The following ESR2 variants were observed in gnomAD, a reference collection of about 807,000 sequenced individuals.
The protein encoded by ESR2 is estrogen receptor 2.
Under a neutral mutation model 49.6 loss-of-function variants are expected in ESR2, and 36 were observed. The ratio of observed to expected loss-of-function variants is 0.73; its 90% CI spans 0.56 to 0.96. The LOEUF is 0.96. Among genes scored for constraint, ESR2 ranks in the 40% least tolerant of loss-of-function variants. ESR2 has a pLI of 0.00. For synonymous variants in ESR2, 320 were observed against 266.1 expected (o/e 1.20, Z -1.97); for missense variants, 714 against 693.0 (o/e 1.03, Z -0.34).
At chr14:64,284,267 T>A (rs1481127408) in intron 1 of ESR2, among the ~76,000 whole-genome samples, 1 of 151,888 alleles carries the variant, frequency 6.6e-6, no homozygotes, top group East Asian at 1.9e-4. Context: ...ATTTATGCTC[T>A]AAAAAACAGA....
At position 64,233,089 on chromosome 14, in the gene ESR2, C is replaced by T. The variant is rs768747695; in HGVS notation, c.*48G>A. ...CAGGCTCCTGACACACTGGAGTTCA[C>T]GCTTCAGCCTGTGACCTCTGTGGGC... On this transcript the variant is annotated 3_prime_UTR_variant, in exon 9 of 9. Transcript: ENST00000341099. 8.0e-5 allele frequency: 127 copies of T among 1,584,302 alleles called. No homozygotes were observed. The highest frequency in any genetic ancestry group is 1.4e-4 in the South Asian group (12 of 88,012).
chr14:64,238,647 A>G (rs1350263386), intron 7 of ESR2, among the ~76,000 whole-genome samples: 1 of 152,148 alleles, frequency 6.6e-6, no homozygotes, highest in African/African-American at 2.4e-5. Flanking sequence ...GGCACAGAAA[A>G]CCACAAAAAT....
rs755401425 is a variant in ESR2 at position 64,260,695 on chromosome 14, C to A, written c.706G>T (p.Asp236Tyr). The A allele has an allele frequency of 1.3e-6, 2 of 1,561,938 alleles. No homozygotes were observed. The highest frequency in any genetic ancestry group is 2.3e-5 in the East Asian group (1 of 43,134). Residue 236 changes from aspartate to tyrosine, a missense_variant, in exon 5 of 9, where the codon GAC (aspartate) becomes TAC (tyrosine). Coordinates refer to ENST00000341099, the MANE Select transcript of ESR2 (RefSeq NM_001437.3). ...YRLVRRQRSA[D>Y]EQLHCAGKAK... Reference sequence around the variant, plus strand: ...TTGCCGGCACAGTGCAGCTGCTCGTCGGCACTTCTCTGTCTCCGCACAAGG... The same window carrying A: ...TTGCCGGCACAGTGCAGCTGCTCGTAGGCACTTCTCTGTCTCCGCACAAGG...
chr14:64,302,625 G>A (rs149366223), intron 1 of ESR2, among the ~76,000 whole-genome samples: 29 of 152,236 alleles, frequency 1.9e-4, no homozygotes, highest in African/African-American at 6.7e-4. Flanking sequence ...AGAAGTTTAG[G>A]AAACATTGCT....
intron 7 of ESR2, among the ~76,000 whole-genome samples, chr14:64,242,227 T>C (rs974036321): frequency 2.0e-5 from 3 of 152,054 alleles, no homozygotes; most frequent in African/African-American, 7.2e-5. Flanking sequence ...CTGGCCAACA[T>C]GGTGAAACCT....
chr14:64,248,896 C>G (rs1567741409), intron 7 of ESR2, among the ~76,000 whole-genome samples: 3 of 151,856 alleles, frequency 2.0e-5, no homozygotes, highest in Admixed American at 1.3e-4. Context: ...TGACACTCCC[C>G]TGCCTGAACC....
At chr14:64,276,364 G>A (rs1250952612) in intron 3 of ESR2, among the ~76,000 whole-genome samples, 2 of 152,158 alleles carry the variant, frequency 1.3e-5, no homozygotes, top group Non-Finnish European at 2.9e-5. Context: ...AGATTTATGA[G>A]AAAACATTTA....
intron 3 of ESR2, among the ~76,000 whole-genome samples, chr14:64,279,013 A>C (rs376498375): frequency 6.6e-6 from 1 of 152,190 alleles, no homozygotes; most frequent in East Asian, 1.9e-4. Context: ...GAAGCCTGCT[A>C]CCTGGAGGCT....
At chr14:64,265,851 G>A (rs182797551) in intron 4 of ESR2, among the ~76,000 whole-genome samples, 11 of 152,248 alleles carry the variant, frequency 7.2e-5, no homozygotes, top group Admixed American at 2.0e-4. Context: ...GGTGCAGGAG[G>A]ATCCAACAAG....
At chr14:64,273,513 G>A (rs1281956074) in intron 3 of ESR2, among the ~76,000 whole-genome samples, 3 of 152,116 alleles carry the variant, frequency 2.0e-5, no homozygotes, top group South Asian at 4.1e-4. Flanking sequence ...TTTTTATCAT[G>A]AAGGGATGTT....
At chr14:64,267,404 G>A (rs1406075666) in intron 4 of ESR2, among the ~76,000 whole-genome samples, 2 of 152,138 alleles carry the variant, frequency 1.3e-5, no homozygotes, top group Non-Finnish European at 2.9e-5. Context: ...TATGGGCACT[G>A]GCAGGATGTT....
At position 64,235,141 on chromosome 14, in the gene ESR2, G is replaced by A. The variant is rs1022775627; in HGVS notation, c.1235C>T (p.Pro412Leu). 6.2e-7 allele frequency: 1 copy of A among 1,613,486 alleles called. No homozygotes were observed. Among genetic ancestry groups the A allele is most frequent in the Non-Finnish European group, 8.5e-7 (1 of 1,180,008 alleles). Residue 412 changes from proline (P) to leucine (L), a missense_variant, in exon 8 of 9, where the codon CCT becomes CTT. Coordinates refer to ENST00000341099, the MANE Select transcript of ESR2 (RefSeq NM_001437.3). Reference protein sequence around the residue: ...AMILLNSSMYPLVTATQDADS... With the variant: ...AMILLNSSMYLLVTATQDADS... The stretch of plus-strand genomic sequence containing the variant: ...AGCATCCTGGGTCGCTGTGACCAGA[G>A]GGTACATACCTGGACAAAGAATAAA...
At chr14:64,276,212 G>A (rs1461437798) in intron 3 of ESR2, among the ~76,000 whole-genome samples, 1 of 151,830 alleles carries the variant, frequency 6.6e-6, no homozygotes, top group African/African-American at 2.4e-5. Flanking sequence ...GAGTCAAGTG[G>A]AAAAAATATT....
At chr14:64,329,225 C>T (rs373662051) in intron 1 of ESR2, among the ~76,000 whole-genome samples, 22 of 152,124 alleles carry the variant, frequency 1.4e-4, no homozygotes, top group South Asian at 6.2e-4. Flanking sequence ...TTTACAACAA[C>T]GAGATCTTGT....
intron 3 of ESR2, among the ~76,000 whole-genome samples, chr14:64,274,694 T>C (rs188721760): frequency 1.5e-4 from 23 of 152,318 alleles, no homozygotes; most frequent in Non-Finnish European, 2.4e-4. Flanking sequence ...AGATACATCA[T>C]TAAGTTGTTT....
intron 6 of ESR2, among the ~76,000 whole-genome samples, chr14:64,251,205 G>T (rs1345462890): frequency 6.6e-6 from 1 of 151,272 alleles, no homozygotes; most frequent in East Asian, 1.9e-4. Flanking sequence ...AAAAACACCT[G>T]AATCACCTTG....
At chr14:64,280,193 A>G (rs1390508458) in intron 2 of ESR2, 40 bp from the exon 3 acceptor site, 1 of 1,447,450 alleles carries the variant, frequency 6.9e-7, no homozygotes, top group Non-Finnish European at 9.5e-7. Flanking sequence ...AGAGCATAAA[A>G]GGGAAAGGAA....
chr14:64,256,965 C>T (rs2076112751), intron 6 of ESR2, among the ~76,000 whole-genome samples: 1 of 152,178 alleles, frequency 6.6e-6, no homozygotes, highest in Admixed American at 6.5e-5. Flanking sequence ...TGGCCACATA[C>T]CTACGGGATA....
At chr14:64,320,139 A>C (rs559673289) in intron 1 of ESR2, among the ~76,000 whole-genome samples, 1 of 152,338 alleles carries the variant, frequency 6.6e-6, no homozygotes, top group African/African-American at 2.4e-5. Context: ...AAAAGCAATG[A>C]GCTATTAAGC....
Sources: allele counts gnomAD v4.1 joint callset (sites outside exome capture counted in the v4.1 genomes callset), GRCh38; gene constraint gnomAD v4.1.1; transcripts MANE v1.5; gene names NCBI Gene and HGNC (gene_info 2026-07-23, HGNC 2026-07-21).